The following TPH1 variants were observed in gnomAD, a reference collection of about 807,000 sequenced individuals.
The protein encoded by TPH1 is tryptophan hydroxylase 1.
A neutral mutation model predicts 49.5 loss-of-function variants in TPH1; 37 were observed. The observed-to-expected ratio is 0.75, with a 90% CI of 0.58 to 0.98. The LOEUF (loss-of-function observed/expected upper bound fraction) is 0.98. TPH1 is among the 50% of genes least tolerant of loss of function. TPH1 has a pLI of 0.00. For synonymous variants in TPH1, 160 were observed against 182.1 expected (o/e 0.88, Z 0.98); for missense variants, 487 against 523.6 (o/e 0.93, Z 0.68).
In TPH1 at chr11:18,029,592, G is replaced by C; in HGVS notation, c.403-13C>G. Reference sequence around the variant, plus strand: ...TGTCTTTGAAGCCCTGATAATTAAAGATATGTTTTTAAATATCCATACTAA... The same window carrying C: ...TGTCTTTGAAGCCCTGATAATTAAACATATGTTTTTAAATATCCATACTAA... On this transcript the variant is annotated splice_polypyrimidine_tract_variant and intron_variant, in intron 4 of 10. Transcript: ENST00000682019. The C allele has an allele frequency of 1.2e-6, 2 of 1,605,046 alleles. No individual in the cohort carries two copies. Among genetic ancestry groups the C allele is most frequent in the Non-Finnish European group, 1.7e-6 (2 of 1,173,068 alleles).
Position 18,025,643 on chromosome 11 carries a change from G to A in TPH1, c.862C>T (p.Gln288Ter). The A allele has an allele frequency of 6.2e-7, 1 of 1,613,962 alleles. No homozygotes were observed. Among genetic ancestry groups the A allele is most frequent in the Non-Finnish European group, 8.5e-7 (1 of 1,179,908 alleles). The part of the protein sequence containing the change: ...VPLLAEPSFA[Q>*]FSQEIGLASL... ...GCCAAGCCAATTTCTTGGGAGAATT[G>A]GGCAAAACTAGGTTCAGCCAAAAGC... The change falls in exon 8 of 11, where the codon CAA becomes TAA. Residue 288 changes from glutamine (Q) to a stop codon, truncating the protein, a stop_gained. Transcript: ENST00000682019. LOFTEE classifies it high-confidence loss of function.
intron 1 of TPH1, chr11:18,041,347 T>G (rs959841808): frequency 1.3e-5 from 2 of 152,834 alleles, no homozygotes; most frequent in Non-Finnish European, 2.9e-5. Context: ...TCTCAGAAGA[T>G]GAACCAGAGA....
rs954289823 is a variant in TPH1 at position 18,026,562 on chromosome 11, C to T, written c.731G>A (p.Gly244Asp). The change falls in exon 7 of 11, where the codon GGT (glycine) becomes GAT (aspartate). Residue 244 changes from glycine to aspartate, a missense_variant. Transcript: ENST00000682019. ...GCAGTGAAAAACTCGAAAGGCTAAA[C>T]CTGATAAGAAATCTCTTGGTGATAA... ...GYLSPRDFLS[G>D]LAFRVFHCTQ... is the part of the protein sequence containing the mutation. 2 of 1,613,976 alleles carry T rather than the reference C, an allele frequency of 1.2e-6. No individual in the cohort carries two copies. Among genetic ancestry groups the T allele is most frequent in the Non-Finnish European group, 1.7e-6 (2 of 1,179,974 alleles).
In TPH1 at chr11:18,036,081, A is replaced by G. The variant is rs773390432; in HGVS notation, c.179T>C (p.Phe60Ser). ...SRKSKRRNSEFEIFVDCDINR... is the reference protein window; with the variant it reads ...SRKSKRRNSESEIFVDCDINR... ...GATGTCACAGTCAACAAAAATCTCA[A>G]ATTCTGAGTTTCTTCTTTTTGATTT... is the stretch of plus-strand genomic sequence containing the variant. Residue 60 changes from phenylalanine (F) to serine (S), a missense_variant, in exon 3 of 11, where the codon TTT becomes TCT. Transcript: ENST00000682019. 4 of 1,613,338 alleles carry G rather than the reference A, an allele frequency of 2.5e-6. No individual in the cohort carries two copies. The highest frequency in any genetic ancestry group is 2.5e-6 in the Non-Finnish European group (3 of 1,179,840).
chr11:18,030,727 G>T (rs571039067), intron 4 of TPH1, among the ~76,000 whole-genome samples: 16 of 152,248 alleles, frequency 1.1e-4, no homozygotes, highest in African/African-American at 3.6e-4. Context: ...TCCCAGTGAT[G>T]ACTCTCGAGC....
At position 18,029,337 on chromosome 11, in the gene TPH1, T is replaced by C. The variant is rs201254061; in HGVS notation, c.495A>G (p.Glu165=). Residue 165 remains glutamate, a synonymous_variant, in exon 6 of 11, where the codon GAA becomes GAG. Coordinates refer to ENST00000682019, the MANE Select transcript of TPH1 (RefSeq NM_004179.3). ...YKHGDPIPKV[E]FTEEEIKTWG... is the part of the protein sequence containing the mutation. ...AGGTCTTAATCTCCTCTTCAGTGAA[T>C]TCAACCTTTGGAATGGGGTCTCCAC... 7 of 1,614,082 alleles carry C rather than the reference T, an allele frequency of 4.3e-6. No individual in the cohort carries two copies. The Admixed American group carries it at 6.7e-5, about 15-fold the overall frequency.
At chr11:18,040,332 A>C (rs545071935) in intron 2 of TPH1, among the ~76,000 whole-genome samples, 1 of 147,420 alleles carries the variant, frequency 6.8e-6, no homozygotes, top group South Asian at 2.1e-4. Flanking sequence ...AATATATAAA[A>C]ATTATATATT....
intron 7 of TPH1, 144 bp downstream of exon 7, chr11:18,026,346 C>T (rs1373156469): frequency 1.3e-6 from 1 of 784,086 alleles, no homozygotes; most frequent in Admixed American, 2.8e-5. Context: ...ATGCCAGGTA[C>T]CATTCTAAAT....
At chr11:18,022,979 T>C (rs1199525812) in intron 9 of TPH1, 48 bp from the exon 10 acceptor site, 1 of 1,603,470 alleles carries the variant, frequency 6.2e-7, no homozygotes, top group South Asian at 1.1e-5. Flanking sequence ...CTATTTTTCA[T>C]AGATCATGCA....
chr11:18,026,049 A>AAC (rs921533762), intron 7 of TPH1, among the ~76,000 whole-genome samples: 6 of 151,052 alleles, frequency 4.0e-5, no homozygotes, highest in African/African-American at 7.3e-5. Context: ...TCAAAACAGC[A>AAC]ACACACACAC....
chr11:18,026,393 CAAAAAAAA>C (rs57335932), intron 7 of TPH1, 89 bp downstream of exon 7: 215 of 588,414 alleles, frequency 3.7e-4, no homozygotes, highest in Middle Eastern at 5.9e-4. Context: ...CCTCGCACAC[CAAAAAAAA>C]AAAAAAAAAA....
intron 6 of TPH1, 31 bp from the exon 7 acceptor site, chr11:18,026,656 C>A: frequency 6.2e-7 from 1 of 1,613,480 alleles, no homozygotes; most frequent in Non-Finnish European, 8.5e-7. Context: ...CAAAGAAAAT[C>A]TTTACCAGAA....
chr11:18,024,347 T>C (rs1002235270), intron 8 of TPH1, among the ~76,000 whole-genome samples: 2 of 152,194 alleles, frequency 1.3e-5, no homozygotes, highest in Admixed American at 6.5e-5. Context: ...TACAAATAAC[T>C]ATATTATACA....
chr11:18,036,708 T>C (rs1848050849), intron 2 of TPH1, among the ~76,000 whole-genome samples: 1 of 152,164 alleles, frequency 6.6e-6, no homozygotes, highest in Non-Finnish European at 1.5e-5. Flanking sequence ...TATGTTCTCT[T>C]ACCAATTTGG....
At chr11:18,027,610 G>A (rs1457679516) in intron 6 of TPH1, among the ~76,000 whole-genome samples, 1 of 152,154 alleles carries the variant, frequency 6.6e-6, no homozygotes, top group Non-Finnish European at 1.5e-5. Context: ...ATTTGACCTT[G>A]AAGCATTTTC....
At chr11:18,037,630 T>C (rs900512551) in intron 2 of TPH1, among the ~76,000 whole-genome samples, 4 of 152,120 alleles carry the variant, frequency 2.6e-5, no homozygotes, top group Non-Finnish European at 4.4e-5. Context: ...CTAAACTATG[T>C]CTTTGGAGAA....
Position 18,021,733 on chromosome 11 carries a change from C to T in TPH1, c.1161-568G>A, listed in dbSNP as rs1280977391. Among the ~76,000 whole-genome samples, 10 of 152,070 alleles carry T rather than the reference C, an allele frequency of 6.6e-5. No individual in the cohort carries two copies. The East Asian group carries it at 1.9e-3, about 29-fold the overall frequency. On this transcript the variant is annotated intron_variant, in intron 10 of 10. Transcript: ENST00000682019. Reference sequence around the variant, plus strand: ...CTGCTTAGAATGTTTCCCTCTAGGCCCCTTTCAAATGACCTAAATTCTGCC... The same window carrying T: ...CTGCTTAGAATGTTTCCCTCTAGGCTCCTTTCAAATGACCTAAATTCTGCC...
intron 8 of TPH1, 47 bp downstream of exon 8, chr11:18,025,528 C>T (rs1264656810): frequency 6.2e-7 from 1 of 1,612,086 alleles, no homozygotes; most frequent in East Asian, 2.2e-5. Flanking sequence ...CACAGATACT[C>T]ATACACCCTA....
intron 10 of TPH1, 114 bp downstream of exon 10, chr11:18,022,684 A>G: frequency 8.8e-7 from 1 of 1,130,662 alleles, no homozygotes. Flanking sequence ...TGTTACAGAC[A>G]GAAGGCTCCT....
Sources: gnomAD v4.1 joint callset for allele counts (sites outside exome capture counted in the v4.1 genomes callset) on GRCh38, gnomAD v4.1.1 for gene constraint, MANE v1.5 for transcripts, NCBI Gene and HGNC (gene_info 2026-07-23, HGNC 2026-07-21) for gene names.